KLHL1: variants seen among roughly 807,000 people sequenced by gnomAD.
The protein encoded by KLHL1 is kelch-like protein 1.
Under a neutral mutation model 77.7 loss-of-function variants are expected in KLHL1, and 47 were observed. That is an observed-to-expected ratio of 0.60 (90% confidence interval 0.48 to 0.77). The LOEUF (loss-of-function observed/expected upper bound fraction) is 0.77. Among genes scored for constraint, KLHL1 ranks in the 30% least tolerant of loss-of-function variants. The pLI, the probability that KLHL1 is intolerant of heterozygous loss-of-function variation, is 0.00. For synonymous variants in KLHL1, 360 were observed against 325.2 expected (o/e 1.11, Z -1.15); for missense variants, 925 against 910.8 (o/e 1.02, Z -0.20).
chr13:69,820,222 G>A (rs890555499), intron 6 of KLHL1, among the ~76,000 whole-genome samples: 6 of 152,086 alleles, frequency 3.9e-5, no homozygotes, highest in East Asian at 1.9e-4. Context: ...TCTGATATAC[G>A]TGAATTTCAG....
At chr13:69,713,050 A>G (rs1271190692) in intron 9 of KLHL1, among the ~76,000 whole-genome samples, 1 of 152,104 alleles carries the variant, frequency 6.6e-6, no homozygotes, top group Non-Finnish European at 1.5e-5. Flanking sequence ...GTCTGGTCAC[A>G]AATTCCTGGG....
Position 69,740,503 on chromosome 13 carries a change from T to C in KLHL1, c.1693A>G (p.Ser565Gly). 6.2e-7 allele frequency: 1 copy of C among 1,612,812 alleles called. No individual in the cohort carries two copies. ...IYAVGGHDGW[S>G]YLNTVERWDP... is the part of the protein sequence containing the mutation. The stretch of plus-strand genomic sequence containing the variant: ...CACCTTTCCACTGTATTCAGATAGC[T>C]CCAGCCATCATGGCCTCCCACAGCA... The change falls in exon 8 of 11, where the codon AGC becomes GGC. Residue 565 changes from serine (S) to glycine (G), a missense_variant. Coordinates refer to ENST00000377844, the MANE Select transcript of KLHL1 (RefSeq NM_020866.3).
At chr13:69,817,581 T>C (rs763363574) in intron 6 of KLHL1, among the ~76,000 whole-genome samples, 4 of 152,212 alleles carry the variant, frequency 2.6e-5, no homozygotes, top group Non-Finnish European at 4.4e-5. Flanking sequence ...GTCTGTATCA[T>C]AGAAGTAATT....
chr13:69,952,269 G>A (rs1046012983), intron 3 of KLHL1, among the ~76,000 whole-genome samples: 10 of 151,370 alleles, frequency 6.6e-5, no homozygotes, highest in Non-Finnish European at 1.2e-4. Flanking sequence ...ATAATCAATG[G>A]CATATGTTTC....
rs1243560017 is a variant in KLHL1, at chr13:70,009,859, C to CA, written c.498-34058dup. Among the ~76,000 whole-genome samples, 6 of 149,952 alleles carry CA rather than the reference C, an allele frequency of 4.0e-5. No homozygotes were observed. In the East Asian group the frequency reaches 7.8e-4, roughly 20 times the overall value. On this transcript the variant is annotated intron_variant, in intron 1 of 10. Coordinates refer to ENST00000377844, the MANE Select transcript of KLHL1 (RefSeq NM_020866.3). ...TTCCCATGTAACATATTTTTGGGTT[C>CA]AAAAAAAGGTCAGAAAAAAAACCAA...
intron 7 of KLHL1, among the ~76,000 whole-genome samples, chr13:69,777,616 C>T (rs1455899107): frequency 2.0e-5 from 3 of 152,144 alleles, no homozygotes; most frequent in Non-Finnish European, 4.4e-5. Context: ...TGTTTTTACA[C>T]ATTTCACTTT....
chr13:69,741,121 A>G (rs900277126), intron 7 of KLHL1, among the ~76,000 whole-genome samples: 5 of 152,200 alleles, frequency 3.3e-5, no homozygotes, highest in African/African-American at 9.6e-5. Flanking sequence ...AGCTTAGAAA[A>G]TATGACATCT....
At chr13:70,011,230 T>C (rs1173118064) in intron 1 of KLHL1, among the ~76,000 whole-genome samples, 2 of 152,222 alleles carry the variant, frequency 1.3e-5, no homozygotes, top group Admixed American at 6.5e-5. Flanking sequence ...AAATGCCAAG[T>C]AAAGAAAATG....
intron 4 of KLHL1, among the ~76,000 whole-genome samples, chr13:69,890,055 A>T (rs535156834): frequency 5.9e-5 from 9 of 152,120 alleles, no homozygotes; most frequent in African/African-American, 2.2e-4. Context: ...ATATAAATTT[A>T]AAAAAAGAAA....
chr13:70,040,113 C>T (rs1886339955), intron 1 of KLHL1, among the ~76,000 whole-genome samples: 1 of 152,096 alleles, frequency 6.6e-6, no homozygotes, highest in South Asian at 2.1e-4. Context: ...CATTTATCTA[C>T]ATGCATTGGT....
chr13:69,883,454 A>C (rs1162576071), intron 4 of KLHL1, among the ~76,000 whole-genome samples: 1 of 152,132 alleles, frequency 6.6e-6, no homozygotes, highest in Non-Finnish European at 1.5e-5. Flanking sequence ...ATGGCTCCTC[A>C]AGTTTCTACT....
chr13:69,706,393 G>A (rs987839528), intron 10 of KLHL1, among the ~76,000 whole-genome samples: 70 of 151,926 alleles, frequency 4.6e-4, no homozygotes, highest in African/African-American at 1.5e-3. Flanking sequence ...TTTGTACTCC[G>A]AAGTTAGTCT....
rs140527891 is a variant in KLHL1 at position 70,071,194 on chromosome 13, C to T, written c.497+36009G>A. On this transcript the variant is annotated intron_variant, in intron 1 of 10. Transcript: ENST00000377844. ...ACACATAGAGATTAGAAGTAAGCAACGGGGAAAGATATACCAGGCTGGAGT... is the reference window on the plus strand; with the variant it reads ...ACACATAGAGATTAGAAGTAAGCAATGGGGAAAGATATACCAGGCTGGAGT... Among the ~76,000 whole-genome samples, 308 of 151,910 alleles carry T rather than the reference C, an allele frequency of 2.0e-3. 2 individuals are homozygous for T. The highest frequency in any genetic ancestry group is 6.7e-3 in the African/African-American group (278 of 41,362).
chr13:69,958,979 G>C (rs919176427), intron 3 of KLHL1, among the ~76,000 whole-genome samples: 25 of 151,928 alleles, frequency 1.6e-4, no homozygotes, highest in African/African-American at 5.8e-4. Flanking sequence ...ATGACAAAAA[G>C]CAAGATACTT....
chr13:70,056,977 C>T (rs987258154), intron 1 of KLHL1, among the ~76,000 whole-genome samples: 1 of 137,194 alleles, frequency 7.3e-6, no homozygotes, highest in Admixed American at 7.5e-5. Flanking sequence ...CAGAAATAAA[C>T]GAAATTGTAA....
chr13:69,922,670 A>C (rs1223434786), intron 4 of KLHL1, among the ~76,000 whole-genome samples: 1 of 152,208 alleles, frequency 6.6e-6, no homozygotes, highest in East Asian at 1.9e-4. Context: ...AAATTAAAAA[A>C]ACATATTTAT....
intron 8 of KLHL1, among the ~76,000 whole-genome samples, chr13:69,736,069 G>A (rs1873749497): frequency 6.6e-6 from 1 of 152,108 alleles, no homozygotes; most frequent in Non-Finnish European, 1.5e-5. Flanking sequence ...GTTCTGCACA[G>A]CAAAAGATAC....
intron 1 of KLHL1, among the ~76,000 whole-genome samples, chr13:69,976,902 C>A (rs1374826254): frequency 6.6e-6 from 1 of 152,094 alleles, no homozygotes; most frequent in African/African-American, 2.4e-5. Flanking sequence ...ACTGCGTATT[C>A]TTTCCCTCTC....
At chr13:69,749,241 G>A (rs958739478) in intron 7 of KLHL1, among the ~76,000 whole-genome samples, 1 of 151,838 alleles carries the variant, frequency 6.6e-6, no homozygotes, top group Admixed American at 6.6e-5. Context: ...GATGCAGCAA[G>A]GTTATGAGTT....
Sources: allele counts gnomAD v4.1 joint callset (sites outside exome capture counted in the v4.1 genomes callset), GRCh38; gene constraint gnomAD v4.1.1; transcripts MANE v1.5; gene names NCBI Gene and HGNC (gene_info 2026-07-23, HGNC 2026-07-21).